Variants in RBPJ observed in about 807,000 individuals in gnomAD.
RBPJ encodes the protein recombination signal binding protein for immunoglobulin kappa J region, also known as recombining binding protein suppressor of hairless.
RBPJ carries 9 observed loss-of-function variants against 67.8 expected under a neutral mutation model. That is an observed-to-expected ratio of 0.13 (90% CI 0.08 to 0.23). The LOEUF (loss-of-function observed/expected upper bound fraction) is 0.23. Ranked by LOEUF, RBPJ falls within the 10% of genes least tolerant of loss-of-function variation. The pLI is 1.00. For missense variants in RBPJ, 305 were observed against 595.6 expected (o/e 0.51, Z 5.08); for synonymous variants, 198 against 203.3 (o/e 0.97, Z 0.22).
At chr4:26,107,889 C>A in the RBPJ span, among the ~76,000 whole-genome samples, 1 of 152,112 alleles carries the variant, frequency 6.6e-6, no homozygotes, top group Non-Finnish European at 1.5e-5. Context: ...CAGAAAGAGA[C>A]CCTGTCTCAA....
At chr4:26,320,663 C>G, upstream of RBPJ, 1 of 1,440,666 alleles carries the variant, frequency 6.9e-7, no homozygotes, top group Non-Finnish European at 9.3e-7. Context: ...CCCCTCCATT[C>G]CTCGTCCCCG....
Position 26,416,259 on chromosome 4 carries a change from CT to C in RBPJ, c.321+628del, listed in dbSNP as rs778141248. On this transcript the variant is annotated intron_variant, in intron 4 of 10. Coordinates refer to ENST00000355476, the MANE Select transcript of RBPJ (RefSeq NM_015874.6). Reference sequence around the variant, plus strand: ...AATTTAGAAAGCAGTCAATCTAGATCTTTTTTTTTCTTCCCCCGGGACAGGG... The same window carrying C: ...AATTTAGAAAGCAGTCAATCTAGATCTTTTTTTTCTTCCCCCGGGACAGGG... 3.7e-3 allele frequency among the ~76,000 whole-genome samples: 567 copies of C among 151,660 alleles called. 4 individuals carry two copies. The highest frequency in any genetic ancestry group is 0.013 in the African/African-American group (541 of 41,358).
chr4:26,341,643 C>A (rs539034547), intron 1 of RBPJ, among the ~76,000 whole-genome samples: 2,008 of 150,862 alleles, frequency 0.013, 54 homozygotes, highest in African/African-American at 0.045. Flanking sequence ...CAAAAAAAAA[C>A]CAAACGAAAA....
At chr4:26,326,904 G>A (rs1039041742) in intron 1 of RBPJ, among the ~76,000 whole-genome samples, 30 of 152,238 alleles carry the variant, frequency 2.0e-4, no homozygotes, top group African/African-American at 7.2e-4. Context: ...GCAGAGGACC[G>A]CAACCCTTGA....
rs1347241023 is a variant in RBPJ, at chr4:26,430,562, G to A, written c.1148+40G>A. 3 of 1,544,562 alleles carry A rather than the reference G, an allele frequency of 1.9e-6. No homozygotes were observed. The highest frequency in any genetic ancestry group is 2.7e-5 in the African/African-American group (2 of 72,882). On this transcript the variant is annotated intron_variant, in intron 10 of 10. Transcript: ENST00000355476. The surrounding 1 kb of genome is among the most constrained non-coding windows in gnomAD (Gnocchi z 4.1). ...TTTTTGCATCATCCAGAGGTTGTGA[G>A]GGGTGTGGGTACAGGAGATTCTTTC...
chr4:26,112,504 A>C, the RBPJ span: 1 of 146,832 alleles, frequency 6.8e-6, no homozygotes, highest in Non-Finnish European at 1.5e-5. Context: ...CAACCTTTTG[A>C]GTATAATAAA....
upstream of RBPJ, among the ~76,000 whole-genome samples, chr4:26,317,671 A>G: frequency 6.6e-6 from 1 of 152,206 alleles, no homozygotes; most frequent in East Asian, 1.9e-4. Context: ...AAGAGGTGTG[A>G]CAGTATTTGG....
chr4:26,150,493 C>A, the RBPJ span, among the ~76,000 whole-genome samples: 1 of 152,320 alleles, frequency 6.6e-6, no homozygotes, highest in South Asian at 2.1e-4. Flanking sequence ...GTGTGTTGGG[C>A]GCTGCATAAA....
chr4:26,377,147 A>G (rs1373340221), intron 1 of RBPJ, among the ~76,000 whole-genome samples: 1 of 152,228 alleles, frequency 6.6e-6, no homozygotes, highest in Admixed American at 6.5e-5. Flanking sequence ...AAAGAGTAGT[A>G]GTGGGCTTAC....
chr4:26,401,021 A>G (rs188583107), intron 2 of RBPJ, among the ~76,000 whole-genome samples: 1 of 152,354 alleles, frequency 6.6e-6, no homozygotes, highest in African/African-American at 2.4e-5. Flanking sequence ...TTTGCTCTCA[A>G]AGCCTCAGTG....
At chr4:26,125,743 G>C in the RBPJ span, among the ~76,000 whole-genome samples, 1 of 151,478 alleles carries the variant, frequency 6.6e-6, no homozygotes, top group Non-Finnish European at 1.5e-5. Context: ...AGGTTGCAGT[G>C]AGCCAAGATG....
chr4:26,321,153 G>C (rs1465720310), intron 1 of RBPJ, 105 bp downstream of exon 1: 1 of 635,108 alleles, frequency 1.6e-6, no homozygotes, highest in Non-Finnish European at 2.3e-6. Flanking sequence ...TGGCGTTCGG[G>C]GGCCCGCGGG....
At chr4:26,425,721 C>T (rs1735585701) in intron 7 of RBPJ, among the ~76,000 whole-genome samples, 1 of 152,136 alleles carries the variant, frequency 6.6e-6, no homozygotes. Flanking sequence ...CTCCTTTTCT[C>T]AAACAATATA....
At chr4:26,297,364 AAGAGAG>A (rs34987416) in intron 1 of RBPJ, among the ~76,000 whole-genome samples, 33 of 148,110 alleles carry the variant, frequency 2.2e-4, no homozygotes, top group East Asian at 6.0e-4. Context: ...GTACGAGAGA[AAGAGAG>A]AGAGAGAGAG....
At chr4:26,217,162 A>T (rs930283453) in intron 1 of RBPJ, among the ~76,000 whole-genome samples, 1 of 152,176 alleles carries the variant, frequency 6.6e-6, no homozygotes, top group Non-Finnish European at 1.5e-5. Context: ...CCAACCAGAG[A>T]TTTAATTACT....
At chr4:26,181,661 A>G (rs573945460) in intron 1 of RBPJ, among the ~76,000 whole-genome samples, 1 of 152,362 alleles carries the variant, frequency 6.6e-6, no homozygotes, top group East Asian at 1.9e-4. Context: ...GTCATAGGCT[A>G]CAAACCAGTT....
chr4:26,345,070 A>G (rs1725993182), intron 1 of RBPJ, among the ~76,000 whole-genome samples: 1 of 152,216 alleles, frequency 6.6e-6, no homozygotes, highest in Admixed American at 6.5e-5. Flanking sequence ...TGTGTGGGAC[A>G]TGTTTTCATG....
the RBPJ span, among the ~76,000 whole-genome samples, chr4:26,110,300 C>T: frequency 6.6e-6 from 1 of 152,190 alleles, no homozygotes. The surrounding 1 kb of genome is among the most constrained non-coding windows in gnomAD (Gnocchi z 4.5). Context: ...GAGGACACGA[C>T]TTACTTGAAG....
At chr4:26,168,150 G>A (rs1049367836) in intron 1 of RBPJ, among the ~76,000 whole-genome samples, 19 of 151,904 alleles carry the variant, frequency 1.3e-4, no homozygotes, top group African/African-American at 4.6e-4. Flanking sequence ...GTTAGTTGAT[G>A]CAGTTTCTTC....
Sources: allele counts gnomAD v4.1 joint callset (sites outside exome capture counted in the v4.1 genomes callset), GRCh38; gene constraint gnomAD v4.1.1; non-coding constraint Gnocchi (gnomAD v3.1); transcripts MANE v1.5; gene names NCBI Gene and HGNC (gene_info 2026-07-23, HGNC 2026-07-21).